Variants in USP30 observed in about 807,000 individuals in gnomAD.
USP30 encodes ubiquitin specific peptidase 30, also known as ubiquitin carboxyl-terminal hydrolase 30.
In USP30, 41 loss-of-function variants were observed where a neutral mutation model predicts 68.2. The observed-to-expected ratio is 0.60, with a 90% CI of 0.47 to 0.78. The LOEUF is 0.78. USP30 is among the 30% of genes least tolerant of loss of function. USP30 has a pLI of 0.00. For synonymous variants in USP30, 229 were observed against 253.7 expected, an observed-to-expected ratio of 0.90 and a Z score of 0.93; for missense variants, 522 against 649.4, an observed-to-expected ratio of 0.80 and a Z score of 2.13.
At chr12:109,038,845 T>C (rs1439240768) in intron 3 of USP30, among the ~76,000 whole-genome samples, 1 of 152,228 alleles carries the variant, frequency 6.6e-6, no homozygotes, top group Admixed American at 6.5e-5. Flanking sequence ...TGTTAATTTT[T>C]GTATCCCTGA....
intron 1 of USP30, chr12:109,054,192 G>A (rs1424714514): frequency 2.8e-5 from 11 of 387,088 alleles, no homozygotes; most frequent in Non-Finnish European, 5.7e-5. Flanking sequence ...CACGTATCGT[G>A]TAAAAGCACA....
intron 2 of USP30, among the ~76,000 whole-genome samples, chr12:109,025,422 A>G (rs1395817953): frequency 1.3e-5 from 2 of 152,014 alleles, no homozygotes; most frequent in African/African-American, 4.8e-5. Flanking sequence ...GCTTATCATT[A>G]TGTTGCTCTC....
At chr12:109,044,914 C>T (rs2040591217) in intron 3 of USP30, among the ~76,000 whole-genome samples, 1 of 149,898 alleles carries the variant, frequency 6.7e-6, no homozygotes, top group Non-Finnish European at 1.5e-5. Flanking sequence ...CTTTATTAAT[C>T]TGATGGGGGA....
At chr12:109,081,649 A>ACACT in intron 8 of USP30, 2 of 597,918 alleles carry the variant, frequency 3.3e-6, no homozygotes, top group Admixed American at 6.1e-5. Context: ...ACACACACAC[A>ACACT]CACACACACA....
chr12:109,049,674 G>A (rs1162858165), upstream of USP30, among the ~76,000 whole-genome samples: 1 of 152,108 alleles, frequency 6.6e-6, no homozygotes, highest in African/African-American at 2.4e-5. Context: ...AATTAGCCAG[G>A]CATGGTGGCG....
At chr12:109,025,620 G>T (rs181861213) in intron 2 of USP30, among the ~76,000 whole-genome samples, 54 of 152,076 alleles carry the variant, frequency 3.6e-4, no homozygotes, top group African/African-American at 1.3e-3. Context: ...ATAGAAATTT[G>T]CCTGTAGATA....
intron 7 of USP30, among the ~76,000 whole-genome samples, chr12:109,079,660 C>G (rs989068974): frequency 2.6e-5 from 4 of 152,064 alleles, no homozygotes; most frequent in African/African-American, 9.7e-5. Flanking sequence ...GCCACCATAC[C>G]TGGCCTGATT....
chr12:109,083,115 CA>C, intron 11 of USP30, 53 bp downstream of exon 11: 1 of 1,528,684 alleles, frequency 6.5e-7, no homozygotes, highest in South Asian at 1.3e-5. Context: ...CAGAGAAAAG[CA>C]GTTTGGCATC....
chr12:109,072,418 G>A, intron 6 of USP30, 68 bp downstream of exon 6: 2 of 1,510,684 alleles, frequency 1.3e-6, no homozygotes, highest in Non-Finnish European at 1.8e-6. Context: ...TAATTTGCTT[G>A]TTTTAAAAAG....
At position 109,052,694 on chromosome 12, in the gene USP30, G is replaced by A; in HGVS notation, c.16G>A (p.Ala6Thr). 1.3e-6 allele frequency: 2 copies of A among 1,488,614 alleles called. No individual in the cohort carries two copies. Among genetic ancestry groups the A allele is most frequent in the Admixed American group, 2.4e-5 (1 of 41,504 alleles). The allele number at this position is 1,488,614 out of a possible 1,614,324, so 92.2% of individuals were successfully genotyped here. A position where few individuals can be genotyped will look rare whatever the true frequency, so the allele number is the denominator to read the frequency against. MLSSR[A>T]EAAMTAADRA... Reference sequence around the variant, plus strand: ...TGCGGCTGCAATGCTGAGCTCCCGGGCCGAGGCGGCGATGACCGCGGCCGA... The same window carrying A: ...TGCGGCTGCAATGCTGAGCTCCCGGACCGAGGCGGCGATGACCGCGGCCGA... Residue 6 changes from alanine (A) to threonine (T), a missense_variant, in exon 1 of 13, where the codon GCC becomes ACC. By Grantham distance (58) the Ala-to-Thr change is moderately conservative. Coordinates refer to ENST00000257548, the MANE Select transcript of USP30 (RefSeq NM_032663.5).
chr12:109,074,714 T>C (rs1212950550), intron 7 of USP30, among the ~76,000 whole-genome samples: 1 of 152,254 alleles, frequency 6.6e-6, no homozygotes, highest in African/African-American at 2.4e-5. Flanking sequence ...ACTGTGTGTG[T>C]GTGTGTGCAC....
intron 6 of USP30, among the ~76,000 whole-genome samples, chr12:109,072,603 T>G (rs139339671): frequency 6.2e-4 from 95 of 152,298 alleles, no homozygotes; most frequent in African/African-American, 1.8e-3. Flanking sequence ...TTTTTACCTT[T>G]TTGAATTGAT....
chr12:109,086,941 G>T lies in USP30; in HGVS notation c.*1010G>T, dbSNP rs1244242593. ...AGTTTCCTCATTTGTGAAGTGAAGG[G>T]TTAGATTTGATGACCACCAAAGTTC... is the stretch of plus-strand genomic sequence containing the variant. On this transcript the variant is annotated 3_prime_UTR_variant, in exon 13 of 13. Coordinates refer to ENST00000257548, the MANE Select transcript of USP30 (RefSeq NM_032663.5). The T allele has an allele frequency of 6.6e-6, 1 of 152,090 alleles. No individual in the cohort carries two copies. Among genetic ancestry groups the T allele is most frequent in the East Asian group, 1.9e-4 (1 of 5,194 alleles). 9.4% of individuals were successfully genotyped at this position (152,090 alleles called of 1,614,324 possible). A position where few individuals can be genotyped will look rare whatever the true frequency, so the allele number is the denominator to read the frequency against.
intron 8 of USP30, chr12:109,081,617 A>ACGCG: frequency 2.0e-6 from 1 of 497,034 alleles, no homozygotes; most frequent in South Asian, 2.3e-5. Context: ...ACACGCACGC[A>ACGCG]TGCGCGCACA....
chr12:109,084,910 G>A (rs778943611), intron 11 of USP30, 43 bp from the exon 12 acceptor site: 26 of 1,511,262 alleles, frequency 1.7e-5, no homozygotes, highest in Non-Finnish European at 2.2e-5. Context: ...TGTTTACAGA[G>A]CCACTGCTAA....
exon 1 of USP30, chr12:109,023,129 C>T (rs2040419157): frequency 6.6e-6 from 1 of 152,258 alleles, no homozygotes; most frequent in Non-Finnish European, 1.5e-5. Flanking sequence ...GCTGGACAAC[C>T]TGGTACCTTT....
chr12:109,055,400 A>ATATATATATATTTTT (rs1298811530), intron 1 of USP30, among the ~76,000 whole-genome samples: 10 of 24,474 alleles, frequency 4.1e-4, no homozygotes, highest in African/African-American at 1.0e-3. Context: ...ATATATATAT[A>ATATATATATATTTTT]TTTTTTTTTT....
At chr12:109,038,974 A>G (rs1176714470) in intron 3 of USP30, among the ~76,000 whole-genome samples, 1 of 152,200 alleles carries the variant, frequency 6.6e-6, no homozygotes, top group Non-Finnish European at 1.5e-5. Context: ...TTCTTATTGA[A>G]TTGCAAGAGT....
At chr12:109,055,872 A>C (rs2040860585) in intron 1 of USP30, among the ~76,000 whole-genome samples, 1 of 151,938 alleles carries the variant, frequency 6.6e-6, no homozygotes, top group Admixed American at 6.6e-5. Context: ...TTTATGTTAG[A>C]AGGTGGTTAA....
Sources: gnomAD v4.1 joint callset for allele counts (sites outside exome capture counted in the v4.1 genomes callset) on GRCh38, gnomAD v4.1.1 for gene constraint, MANE v1.5 for transcripts, NCBI Gene and HGNC (gene_info 2026-07-23, HGNC 2026-07-21) for gene names.